The following CFH variants were observed in gnomAD, a reference collection of about 807,000 sequenced individuals.
CFH encodes the protein complement factor H.
Under a neutral mutation model 147.3 loss-of-function variants are expected in CFH, and 53 were observed. That is an observed-to-expected ratio of 0.36 (90% CI 0.29 to 0.45). The LOEUF (loss-of-function observed/expected upper bound fraction) is 0.45, where lower values mean the gene tolerates loss of function less well. Among genes scored for constraint, CFH ranks in the 20% least tolerant of loss-of-function variants. The pLI is 1.00. For synonymous variants in CFH, 536 were observed against 489.4 expected, an observed-to-expected ratio of 1.10 and a Z score of -1.26; for missense variants, 1,380 against 1,498.0, an observed-to-expected ratio of 0.92 and a Z score of 1.30.
At chr1:196,684,733 C>A (rs1321172773) in intron 6 of CFH, among the ~76,000 whole-genome samples, 1 of 151,810 alleles carries the variant, frequency 6.6e-6, no homozygotes, top group African/African-American at 2.4e-5. Context: ...TTATGAGAAC[C>A]ACAGAAACCA....
chr1:196,747,325 A>G lies in CFH; in HGVS notation c.*12A>G. On this transcript the variant is annotated 3_prime_UTR_variant, in exon 22 of 22. Coordinates refer to ENST00000367429, the MANE Select transcript of CFH (RefSeq NM_000186.4). ...GTGCAAAAAGATAGAATCAATCATA[A>G]AGTGCACACCTTTATTCAGAACTTT... The G allele has an allele frequency of 6.2e-7, 1 of 1,614,108 alleles. No homozygotes were observed. The highest frequency in any genetic ancestry group is 8.5e-7 in the Non-Finnish European group (1 of 1,179,954).
intron 7 of CFH, among the ~76,000 whole-genome samples, chr1:196,687,386 A>G (rs1263208217): frequency 1.3e-5 from 2 of 152,094 alleles, no homozygotes; most frequent in Non-Finnish European, 2.9e-5. Flanking sequence ...AAACAGATGT[A>G]AATGTGACCA....
chr1:196,715,185 T>C (rs1010075470), intron 10 of CFH, among the ~76,000 whole-genome samples: 2 of 152,010 alleles, frequency 1.3e-5, no homozygotes, highest in African/African-American at 4.8e-5. Context: ...GAATTTATAT[T>C]TTCAGTCTTT....
chr1:196,734,551 A>G (rs1265018693), intron 15 of CFH, among the ~76,000 whole-genome samples: 3 of 152,168 alleles, frequency 2.0e-5, no homozygotes, highest in African/African-American at 7.2e-5. Flanking sequence ...CAGTCAAAAT[A>G]TATTGGTCTC....
At chr1:196,697,935 A>G (rs1461681186) in intron 9 of CFH, among the ~76,000 whole-genome samples, 1 of 145,576 alleles carries the variant, frequency 6.9e-6, no homozygotes, top group South Asian at 2.2e-4. Context: ...GCTCTCACTC[A>G]TAGGTGGGAA....
intron 11 of CFH, among the ~76,000 whole-genome samples, chr1:196,724,375 G>A (rs1669078158): frequency 6.6e-6 from 1 of 152,028 alleles, no homozygotes; most frequent in Non-Finnish European, 1.5e-5. Flanking sequence ...CAAGGGGAAG[G>A]CAGATGACCC....
intron 18 of CFH, 124 bp from the exon 19 acceptor site, chr1:196,741,751 A>G: frequency 1.2e-6 from 1 of 829,236 alleles, no homozygotes; most frequent in Non-Finnish European, 1.9e-6. Context: ...TTCTCAAGTT[A>G]TAAGAAAAAT....
chr1:196,699,189 A>T (rs2860102), intron 9 of CFH, among the ~76,000 whole-genome samples: 98,279 of 151,988 alleles, frequency 0.65, 32,228 homozygotes, highest in East Asian at 0.95. Context: ...TGTATGTGAG[A>T]TCCAGTTGTT....
intron 12 of CFH, 92 bp from the exon 13 acceptor site, chr1:196,726,370 AGAATACAT>A (rs1253743265): frequency 1.1e-5 from 10 of 892,426 alleles, no homozygotes; most frequent in Non-Finnish European, 1.6e-5. Context: ...TACATAATGA[AGAATACAT>A]GAATAAAAGA....
At chr1:196,667,544 G>C (rs191291339) in intron 1 of CFH, among the ~76,000 whole-genome samples, 1 of 151,708 alleles carries the variant, frequency 6.6e-6, no homozygotes, top group Non-Finnish European at 1.5e-5. Context: ...CTAGCATATT[G>C]GTTTTTATCA....
intron 9 of CFH, among the ~76,000 whole-genome samples, chr1:196,702,534 AAAAAAC>A (rs943021276): frequency 3.0e-4 from 27 of 91,306 alleles, no homozygotes; most frequent in South Asian, 2.6e-3. Context: ...AAAAAAAAAA[AAAAAAC>A]ATCCAAAGCA....
intron 15 of CFH, among the ~76,000 whole-genome samples, chr1:196,735,943 G>A (rs902768383): frequency 4.0e-5 from 6 of 151,896 alleles, no homozygotes; most frequent in African/African-American, 1.5e-4. Context: ...CCTATAGTAC[G>A]ATTACATAAA....
chr1:196,713,995 C>T (rs1668785461), intron 10 of CFH, 78 bp downstream of exon 10: 1 of 1,258,802 alleles, frequency 7.9e-7, no homozygotes, highest in Non-Finnish European at 1.1e-6. Context: ...TTTGTGGGGG[C>T]TGATATAATT....
At position 196,679,777 on chromosome 1, in the gene CFH, G is replaced by T; in HGVS notation, c.774G>T (p.Pro258=). 1 of 1,610,654 alleles carries T rather than the reference G, an allele frequency of 6.2e-7. No individual in the cohort carries two copies. Among genetic ancestry groups the T allele is most frequent in the Non-Finnish European group, 8.5e-7 (1 of 1,177,894 alleles). Residue 258 remains proline (P), a synonymous_variant, in exon 6 of 22, where the codon CCG becomes CCT. Transcript: ENST00000367429. ...TATGCACTGAATCTGGATGGCGTCC[G>T]TTGCCTTCATGTGAAGGTAATGTTA... is the stretch of plus-strand genomic sequence containing the variant. ...DAVCTESGWR[P]LPSCEEKSCD... is the part of the protein sequence containing the mutation.
intron 6 of CFH, among the ~76,000 whole-genome samples, chr1:196,680,721 C>G (rs1458972736): frequency 6.6e-6 from 1 of 151,772 alleles, no homozygotes; most frequent in East Asian, 1.9e-4. Flanking sequence ...AAGAGTTGAA[C>G]TCTTAAGAGC....
intron 12 of CFH, among the ~76,000 whole-genome samples, chr1:196,725,795 G>A (rs1349407216): frequency 6.6e-6 from 1 of 152,088 alleles, no homozygotes; most frequent in Non-Finnish European, 1.5e-5. Flanking sequence ...AGCTAATAGA[G>A]TGAGAACTCA....
At position 196,726,531 on chromosome 1, in the gene CFH, G is replaced by T. The variant is rs56035657; in HGVS notation, c.1935G>T (p.Thr645=). 5.4e-4 allele frequency: 872 copies of T among 1,612,986 alleles called. 9 individuals are homozygous for T. The East Asian group carries it at 0.017, about 31-fold the overall frequency. ...TCAATGGGAATGTTAAGGAAAAAACGAAAGAAGAATATGGACACAGTGAAG... is the reference window on the plus strand; with the variant it reads ...TCAATGGGAATGTTAAGGAAAAAACTAAAGAAGAATATGGACACAGTGAAG... ...ELLNGNVKEK[T]KEEYGHSEVV... is the part of the protein sequence containing the mutation. Residue 645 remains threonine, a synonymous_variant, in exon 13 of 22, where the codon ACG becomes ACT. Transcript: ENST00000367429.
At chr1:196,660,476 G>A (rs187547944) in intron 1 of CFH, among the ~76,000 whole-genome samples, 3 of 152,324 alleles carry the variant, frequency 2.0e-5, no homozygotes, top group Admixed American at 2.0e-4. Flanking sequence ...GTCACTCTGT[G>A]AATAGACTGA....
At chr1:196,725,793 G>C (rs1669122967) in intron 12 of CFH, among the ~76,000 whole-genome samples, 2 of 152,114 alleles carry the variant, frequency 1.3e-5, no homozygotes, top group South Asian at 4.1e-4. Flanking sequence ...GGAGCTAATA[G>C]AGTGAGAACT....
Sources: gnomAD v4.1 joint callset for allele counts (sites outside exome capture counted in the v4.1 genomes callset) on GRCh38, gnomAD v4.1.1 for gene constraint, MANE v1.5 for transcripts, NCBI Gene and HGNC (gene_info 2026-07-23, HGNC 2026-07-21) for gene names.